The following ANGPT2 variants were observed in gnomAD, a reference collection of about 807,000 sequenced individuals.
ANGPT2 encodes angiopoietin 2, also known as angiopoietin-2.
Under a neutral mutation model 62.9 loss-of-function variants are expected in ANGPT2, and 28 were observed. That is an observed-to-expected ratio of 0.44 (90% CI 0.33 to 0.61). ANGPT2 has a LOEUF of 0.61. Among genes scored for constraint, ANGPT2 ranks in the 20% least tolerant of loss-of-function variants. The pLI is 0.03. For missense variants in ANGPT2, 727 were observed against 594.9 expected (o/e 1.22, Z -2.31); for synonymous variants, 284 against 207.8 (o/e 1.37, Z -3.15).
intron 1 of ANGPT2, among the ~76,000 whole-genome samples, chr8:6,559,519 A>C (rs1455319429): frequency 6.6e-6 from 1 of 151,934 alleles, no homozygotes; most frequent in Non-Finnish European, 1.5e-5. Flanking sequence ...AACAAACAAA[A>C]AACGATGGCA....
At chr8:6,549,391 G>C (rs918471183) in intron 1 of ANGPT2, among the ~76,000 whole-genome samples, 1 of 152,210 alleles carries the variant, frequency 6.6e-6, no homozygotes, top group South Asian at 2.1e-4. Flanking sequence ...TCAAAACCTA[G>C]CAAAATTAAC....
At chr8:6,539,723 G>T (rs1322560640) in intron 1 of ANGPT2, among the ~76,000 whole-genome samples, 1 of 152,060 alleles carries the variant, frequency 6.6e-6, no homozygotes, top group Non-Finnish European at 1.5e-5. Flanking sequence ...AGTAGCTGGG[G>T]TTACAGGCGC....
At chr8:6,562,578 T>A in intron 1 of ANGPT2, 69 bp downstream of exon 1, 2 of 880,188 alleles carry the variant, frequency 2.3e-6, no homozygotes, top group Non-Finnish European at 3.1e-6. Flanking sequence ...TTTTGGTTGT[T>A]AAAACCTGAG....
At chr8:6,514,099 G>C (rs931752333) in intron 6 of ANGPT2, among the ~76,000 whole-genome samples, 1 of 152,130 alleles carries the variant, frequency 6.6e-6, no homozygotes, top group Non-Finnish European at 1.5e-5. Context: ...AGAAGCCTTG[G>C]CATAAACAGC....
chr8:6,558,277 G>C (rs867042344), intron 1 of ANGPT2, among the ~76,000 whole-genome samples: 1 of 152,140 alleles, frequency 6.6e-6, no homozygotes, highest in African/African-American at 2.4e-5. Flanking sequence ...GGAAGACTGG[G>C]GAAAGAGAAT....
chr8:6,504,518 C>T lies in ANGPT2; in HGVS notation c.1328-1257G>A, dbSNP rs577641674. ...TATTAGATCGATTGTCACAGTATCG[C>T]AGTGCTTATGTTCAAGTAACGCTTA... On this transcript the variant is annotated intron_variant, in intron 8 of 8. Transcript: ENST00000629816. Among the ~76,000 whole-genome samples, 7 of 152,112 alleles carry T rather than the reference C, an allele frequency of 4.6e-5. No homozygotes were observed. In the South Asian group the frequency reaches 1.5e-3, roughly 32 times the overall value.
chr8:6,503,084 C>A lies in ANGPT2; in HGVS notation c.*17G>T, dbSNP rs775100583. ...TTGAAAATAGTTCGAGACAGTTCCT[C>A]AGGTGGACTGGGATGTTTAGAAATC... On this transcript the variant is annotated 3_prime_UTR_variant, in exon 9 of 9. Transcript: ENST00000629816. The A allele has an allele frequency of 6.2e-7, 1 of 1,613,846 alleles. No individual in the cohort carries two copies. Among genetic ancestry groups the A allele is most frequent in the African/African-American group, 1.3e-5 (1 of 74,914 alleles).
intron 7 of ANGPT2, among the ~76,000 whole-genome samples, chr8:6,510,767 G>T (rs577917360): frequency 6.6e-6 from 1 of 152,308 alleles, no homozygotes; most frequent in African/African-American, 2.4e-5. Context: ...GAAAAGATGA[G>T]GGTAGGGCCA....
chr8:6,524,476 A>C (rs1447922265), intron 3 of ANGPT2, among the ~76,000 whole-genome samples: 1 of 152,206 alleles, frequency 6.6e-6, no homozygotes, highest in Non-Finnish European at 1.5e-5. Context: ...CTCCTGAGTC[A>C]CTTTGCACTT....
chr8:6,505,320 GTTA>G lies in ANGPT2; in HGVS notation c.1328-2062_1328-2060del, dbSNP rs536725571. ...ATATATATGTATATAACATATATAT[GTTA>G]TATACATATAGAAAGAATATATATA... On this transcript the variant is annotated intron_variant, in intron 8 of 8. Transcript: ENST00000629816. 2.9e-3 allele frequency among the ~76,000 whole-genome samples: 139 copies of G among 48,550 alleles called. 5 individuals are homozygous for G. The highest frequency in any genetic ancestry group is 0.012 in the African/African-American group (98 of 8,502). The allele number at this position is 48,550 out of a possible 152,430, so 31.9% of individuals were successfully genotyped here. A position where few individuals can be genotyped will look rare whatever the true frequency, so the allele number is the denominator to read the frequency against.
chr8:6,521,373 G>C lies in ANGPT2; in HGVS notation c.604C>G (p.His202Asp), dbSNP rs752048437. 6.2e-7 allele frequency: 1 copy of C among 1,613,366 alleles called. No homozygotes were observed. ...TTTATTGACTGTAGTTGGATGATGT[G>C]CTTGTCTTCCATAGCTAGCACCTTC... The part of the protein sequence containing the change: ...EKKVLAMEDK[H>D]IIQLQSIKEE... The change falls in exon 4 of 9, where the codon CAC becomes GAC. Residue 202 changes from histidine to aspartate, a missense_variant. Physicochemically the swap from His to Asp is moderately conservative, Grantham distance 81 (BLOSUM62 -1). Transcript: ENST00000629816.
At chr8:6,533,947 G>A (rs1820012125) in intron 1 of ANGPT2, among the ~76,000 whole-genome samples, 1 of 152,096 alleles carries the variant, frequency 6.6e-6, no homozygotes, top group Non-Finnish European at 1.5e-5. Context: ...TCTTGTGACT[G>A]GTATCAGATG....
At chr8:6,527,807 A>G (rs1818628227) in intron 2 of ANGPT2, 131 bp from the exon 3 acceptor site, 2 of 856,184 alleles carry the variant, frequency 2.3e-6, no homozygotes, top group Admixed American at 6.2e-5. Flanking sequence ...CAAGTATCTT[A>G]TTTTGGCATA....
At chr8:6,510,149 T>G (rs1407825451) in intron 7 of ANGPT2, among the ~76,000 whole-genome samples, 1 of 128,392 alleles carries the variant, frequency 7.8e-6, no homozygotes, top group African/African-American at 3.3e-5. Context: ...ATTTTTGAGG[T>G]TGTTTTTTCT....
At chr8:6,558,492 G>T (rs994140317) in intron 1 of ANGPT2, among the ~76,000 whole-genome samples, 1 of 152,162 alleles carries the variant, frequency 6.6e-6, no homozygotes, top group Non-Finnish European at 1.5e-5. Context: ...CTGAGCATCT[G>T]ATCACCAATG....
Position 6,521,413 on chromosome 8 carries a change from T to G in ANGPT2, c.567-3A>C. The G allele has an allele frequency of 1.2e-6, 2 of 1,601,908 alleles. No individual in the cohort carries two copies. The highest frequency in any genetic ancestry group is 2.2e-5 in the South Asian group (2 of 89,504). The stretch of plus-strand genomic sequence containing the variant: ...CTAGCACCTTCTTTTCTAGGAAACT[T>G]GTAAGGAAAAGAATTGTTAGTTAGT... On this transcript the variant is annotated splice_polypyrimidine_tract_variant and splice_region_variant and intron_variant, in intron 3 of 8. Transcript: ENST00000629816.
chr8:6,533,615 A>G (rs1019960172), intron 1 of ANGPT2, among the ~76,000 whole-genome samples: 2 of 135,704 alleles, frequency 1.5e-5, no homozygotes, highest in African/African-American at 2.8e-5. Flanking sequence ...GATGGGAACC[A>G]TTCTTCCATT....
intron 7 of ANGPT2, among the ~76,000 whole-genome samples, chr8:6,510,651 C>G (rs1313088929): frequency 6.6e-6 from 1 of 152,168 alleles, no homozygotes; most frequent in Admixed American, 6.5e-5. Context: ...AGGTCAGACT[C>G]TTAAGTCATG....
chr8:6,559,548 G>A (rs3020237), intron 1 of ANGPT2, among the ~76,000 whole-genome samples: 3,191 of 138,758 alleles, frequency 0.023, 110 homozygotes, highest in African/African-American at 0.074. Flanking sequence ...GTTTGCCTCC[G>A]TAGTAGGCAT....
Sources: gnomAD v4.1 joint callset for allele counts (sites outside exome capture counted in the v4.1 genomes callset) on GRCh38, gnomAD v4.1.1 for gene constraint, MANE v1.5 for transcripts, NCBI Gene and HGNC (gene_info 2026-07-23, HGNC 2026-07-21) for gene names.